LY86: variants seen among roughly 807,000 people sequenced by gnomAD.
LY86 encodes lymphocyte antigen 86, also known as MD-1, RP105-associated.
LY86 carries 20 observed loss-of-function variants against 17.3 expected under a neutral mutation model. That is an observed-to-expected ratio of 1.15 (90% confidence interval 0.81 to 1.68). LY86 has a LOEUF of 1.68. Among genes scored for constraint, LY86 ranks in the 40% most tolerant of loss-of-function variants. The pLI is 0.00. For synonymous variants in LY86, 74 were observed against 70.6 expected, an observed-to-expected ratio of 1.05 and a Z score of -0.24; for missense variants, 200 against 191.9, an observed-to-expected ratio of 1.04 and a Z score of -0.25.
chr6:6,615,556 T>C (rs1761533460), intron 1 of LY86, among the ~76,000 whole-genome samples: 2 of 152,052 alleles, frequency 1.3e-5, no homozygotes, highest in Admixed American at 1.3e-4. Flanking sequence ...ACCCCATCTC[T>C]ACTAAAAATA....
chr6:6,626,366 TC>T lies in LY86; in HGVS notation c.300del (p.Ile101SerfsTer67). ...QGSSVLNFSY[P>X]ICEAALPKFS... ...GCTCATCTGTTTTGAATTTCTCCTATCCCATCTGTGAGGCGGCTCTGCCCAA... is the reference window on the plus strand; with the variant it reads ...GCTCATCTGTTTTGAATTTCTCCTATCCATCTGTGAGGCGGCTCTGCCCAA... On this transcript the variant is annotated frameshift_variant, in exon 3 of 5. Transcript: ENST00000230568. LOFTEE classifies it high-confidence loss of function. 2 of 1,614,026 alleles carry T rather than the reference TC, an allele frequency of 1.2e-6. No homozygotes were observed. The highest frequency in any genetic ancestry group is 2.2e-5 in the East Asian group (1 of 44,876).
chr6:6,647,968 TACACACACACACACACACACAC>T (rs57233850), intron 3 of LY86, among the ~76,000 whole-genome samples: 10 of 144,802 alleles, frequency 6.9e-5, no homozygotes, highest in African/African-American at 2.0e-4. Context: ...AATCATCACA[TACACACACACACACACACACAC>T]ACACACACAC....
At chr6:6,610,111 C>T (rs1324581005) in intron 1 of LY86, among the ~76,000 whole-genome samples, 1 of 152,168 alleles carries the variant, frequency 6.6e-6, no homozygotes, top group African/African-American at 2.4e-5. Flanking sequence ...GGTGCTTATA[C>T]GCAGTAACCC....
chr6:6,601,753 G>A (rs1291885346), intron 1 of LY86, among the ~76,000 whole-genome samples: 1 of 152,078 alleles, frequency 6.6e-6, no homozygotes, highest in Non-Finnish European at 1.5e-5. Flanking sequence ...ATATACAATA[G>A]AAAGCAGAAG....
chr6:6,652,261 C>T (rs1207625915), intron 4 of LY86, among the ~76,000 whole-genome samples: 2 of 152,102 alleles, frequency 1.3e-5, no homozygotes, highest in African/African-American at 4.8e-5. Flanking sequence ...GGGCTCCCTA[C>T]ACCGGCTGCA....
chr6:6,594,150 A>G (rs549628968), intron 1 of LY86, among the ~76,000 whole-genome samples: 11 of 152,206 alleles, frequency 7.2e-5, no homozygotes, highest in Non-Finnish European at 1.5e-4. Flanking sequence ...ACATGCTCAA[A>G]TGACTTATGT....
Position 6,588,882 on chromosome 6 carries a change from C to T in LY86, c.136+12C>T. On this transcript the variant is annotated intron_variant, in intron 1 of 4. Coordinates refer to ENST00000230568, the MANE Select transcript of LY86 (RefSeq NM_004271.4). Reference sequence around the variant, plus strand: ...CTACCAGAGTTGCGGTAAGCCCTTGCAGTACACCCATGTGTGTTTATGGGG... The same window carrying T: ...CTACCAGAGTTGCGGTAAGCCCTTGTAGTACACCCATGTGTGTTTATGGGG... The T allele has an allele frequency of 6.2e-7, 1 of 1,613,158 alleles. No individual in the cohort carries two copies. Among genetic ancestry groups the T allele is most frequent in the East Asian group, 2.2e-5 (1 of 44,850 alleles).
At chr6:6,605,317 T>TA (rs1307780062) in intron 1 of LY86, among the ~76,000 whole-genome samples, 6 of 152,208 alleles carry the variant, frequency 3.9e-5, no homozygotes, top group Non-Finnish European at 7.4e-5. Flanking sequence ...GGGTGTGGTT[T>TA]AGTTGGGGGT....
At chr6:6,648,664 T>C (rs1762141255) in intron 3 of LY86, among the ~76,000 whole-genome samples, 1 of 152,208 alleles carries the variant, frequency 6.6e-6, no homozygotes, top group Non-Finnish European at 1.5e-5. Flanking sequence ...CATGGAGTGC[T>C]TCCCAGGCAT....
intron 1 of LY86, among the ~76,000 whole-genome samples, chr6:6,593,365 C>A (rs1270332054): frequency 6.6e-6 from 1 of 152,238 alleles, no homozygotes; most frequent in East Asian, 1.9e-4. Flanking sequence ...TGATTAGGAT[C>A]ATCTCCCCAA....
intron 1 of LY86, among the ~76,000 whole-genome samples, chr6:6,618,465 G>C (rs2113131162): frequency 6.6e-6 from 1 of 151,596 alleles, no homozygotes; most frequent in Middle Eastern, 3.4e-3. Context: ...AGACAAGCTA[G>C]GGATCCAGAA....
intron 3 of LY86, among the ~76,000 whole-genome samples, chr6:6,633,123 G>A (rs1224613287): frequency 2.6e-5 from 4 of 152,212 alleles, no homozygotes; most frequent in Non-Finnish European, 5.9e-5. Flanking sequence ...GTTGTAAGAT[G>A]TACTGTGGAG....
chr6:6,618,621 G>A (rs1241011050), intron 1 of LY86, among the ~76,000 whole-genome samples: 2 of 152,100 alleles, frequency 1.3e-5, no homozygotes, highest in Non-Finnish European at 2.9e-5. Context: ...TTTTATTTTT[G>A]TTGCATTTGA....
At chr6:6,597,595 A>C (rs1760754324) in intron 1 of LY86, among the ~76,000 whole-genome samples, 4 of 152,198 alleles carry the variant, frequency 2.6e-5, no homozygotes, top group Admixed American at 2.6e-4. Flanking sequence ...GCAACAGAAG[A>C]AGCGTGGTGG....
chr6:6,643,675 C>T lies in LY86; in HGVS notation c.353-5950C>T, dbSNP rs182280966. Among the ~76,000 whole-genome samples, 15 of 152,070 alleles carry T rather than the reference C, an allele frequency of 9.9e-5. 1 individual carries two copies. The highest frequency in any genetic ancestry group is 2.6e-4 in the Admixed American group (4 of 15,290). ...CTCACTACACACAAACACACATGCA[C>T]GCACACAAGCATGCATACACACAAA... is the stretch of plus-strand genomic sequence containing the variant. On this transcript the variant is annotated intron_variant, in intron 3 of 4. Coordinates refer to ENST00000230568, the MANE Select transcript of LY86 (RefSeq NM_004271.4).
intron 3 of LY86, among the ~76,000 whole-genome samples, chr6:6,641,392 G>GC (rs940865441): frequency 6.6e-6 from 1 of 152,142 alleles, no homozygotes; most frequent in African/African-American, 2.4e-5. Context: ...AGTTCACCGT[G>GC]CCCCCCTCCT....
chr6:6,595,046 G>A (rs1760654696), intron 1 of LY86, among the ~76,000 whole-genome samples: 1 of 151,900 alleles, frequency 6.6e-6, no homozygotes, highest in Admixed American at 6.6e-5. Flanking sequence ...AAGTCTTCGG[G>A]TAAAAAAGTG....
At chr6:6,590,121 A>T (rs947403127) in intron 1 of LY86, among the ~76,000 whole-genome samples, 6 of 70,984 alleles carry the variant, frequency 8.5e-5, no homozygotes, top group South Asian at 3.5e-4. Flanking sequence ...TCTGTCTTAA[A>T]AAAAAAAAAA....
At chr6:6,646,082 A>G (rs1762103295) in intron 3 of LY86, among the ~76,000 whole-genome samples, 2 of 152,130 alleles carry the variant, frequency 1.3e-5, no homozygotes, top group African/African-American at 2.4e-5. Flanking sequence ...TGTTAGGGGC[A>G]CCATTAGCAT....
Sources: allele counts gnomAD v4.1 joint callset (sites outside exome capture counted in the v4.1 genomes callset), GRCh38; gene constraint gnomAD v4.1.1; transcripts MANE v1.5; gene names NCBI Gene and HGNC (gene_info 2026-07-23, HGNC 2026-07-21).